The following AGRN variants were observed in gnomAD, a reference collection of about 807,000 sequenced individuals.
AGRN encodes the protein agrin.
Under a neutral mutation model 211.0 loss-of-function variants are expected in AGRN, and 106 were observed. The observed-to-expected ratio is 0.50, with a 90% CI of 0.43 to 0.59. The LOEUF is 0.59. Among genes scored for constraint, AGRN ranks in the 20% least tolerant of loss-of-function variants. The pLI is 0.00. For missense variants in AGRN, 3,040 were observed against 2,982.6 expected (o/e 1.02, Z -0.45); for synonymous variants, 1,525 against 1,332.5 (o/e 1.14, Z -3.15).
Position 1,049,949 on chromosome 1 carries a change from C to G in AGRN, c.4791C>G (p.Cys1597Trp), listed in dbSNP as rs1645228979. 1 of 1,612,284 alleles carries G rather than the reference C, an allele frequency of 6.2e-7. No homozygotes were observed. The highest frequency in any genetic ancestry group is 8.5e-7 in the Non-Finnish European group (1 of 1,179,818). ...DEKSPCQPNP[C>W]HGAAPCRVLP... ...AGAGCCCCTGCCAGCCCAACCCCTG[C>G]CATGGGGCGGCGCCCTGCCGTGTGC... Residue 1597 changes from cysteine (C) to tryptophan (W), a missense_variant, in exon 27 of 36, where the codon TGC becomes TGG. Around this residue, in one of 3 missense-constraint regions of AGRN, gnomAD observed 1,537 missense variants for 1,505.0 expected, o/e 1.02. Transcript: ENST00000379370.
intron 12 of AGRN, among the ~76,000 whole-genome samples, chr1:1,044,675 C>T (rs1645041394): frequency 6.6e-6 from 1 of 152,128 alleles, no homozygotes; most frequent in Non-Finnish European, 1.5e-5. Flanking sequence ...TGAGAGGCAG[C>T]GTGAACCATG....
intron 1 of AGRN, 88 bp downstream of exon 1, chr1:1,020,461 C>A: frequency 1.5e-6 from 2 of 1,296,130 alleles, no homozygotes; most frequent in South Asian, 2.9e-5. Context: ...CAGCCCCGGT[C>A]GCTCCGCAGC....
In AGRN at chr1:1,044,055, G is replaced by A. The variant is rs772972051; in HGVS notation, c.1999+32G>A. 6 of 1,612,422 alleles carry A rather than the reference G, an allele frequency of 3.7e-6. No individual in the cohort carries two copies. The Admixed American group carries it at 1.0e-4, about 27-fold the overall frequency. On this transcript the variant is annotated intron_variant, in intron 10 of 35. Coordinates refer to ENST00000379370, the MANE Select transcript of AGRN (RefSeq NM_198576.4). Reference sequence around the variant, plus strand: ...CGGGGGACGCTGGCGAAAACTGCTGGGCTCTGGCTTTGGACAAGAAGCCCC... The same window carrying A: ...CGGGGGACGCTGGCGAAAACTGCTGAGCTCTGGCTTTGGACAAGAAGCCCC...
chr1:1,044,478 G>C (rs1313042817), intron 12 of AGRN, 39 bp downstream of exon 12: 1 of 1,567,910 alleles, frequency 6.4e-7, no homozygotes, highest in African/African-American at 1.4e-5. Flanking sequence ...CACAGGCGGG[G>C]CGGCGTCTGG....
At position 1,050,251 on chromosome 1, in the gene AGRN, C is replaced by G; in HGVS notation, c.4898C>G (p.Ser1633Cys). ...CCTACAGCCTCGGGGCAGGACGGCTCTGGGCCCTTCCTGGCTGACTTCAAC... is the reference window on the plus strand; with the variant it reads ...CCTACAGCCTCGGGGCAGGACGGCTGTGGGCCCTTCCTGGCTGACTTCAAC... ...FCQTASGQDG[S>C]GPFLADFNGF... Residue 1633 changes from serine to cysteine, a missense_variant, in exon 28 of 36, where the codon TCT (serine) becomes TGT (cysteine). By Grantham distance (112) the Ser-to-Cys change is moderately radical (BLOSUM62 -1). Transcript: ENST00000379370. 6.2e-7 allele frequency: 1 copy of G among 1,613,144 alleles called. No individual in the cohort carries two copies. Among genetic ancestry groups the G allele is most frequent in the Non-Finnish European group, 8.5e-7 (1 of 1,179,944 alleles).
In AGRN at chr1:1,043,625, A is replaced by T; in HGVS notation, c.1691A>T (p.Gln564Leu). The stretch of plus-strand genomic sequence containing the variant: ...CCCTCTGAATGCGTGGCTTTGGCCC[A>T]GCCCGTGTGTGGCTCCGACGGGCAC... ...VCPSECVALAQPVCGSDGHTY... is the reference protein window; with the variant it reads ...VCPSECVALALPVCGSDGHTY... The change falls in exon 9 of 36, where the codon CAG becomes CTG. Residue 564 changes from glutamine to leucine, a missense_variant. Around this residue, in one of 3 missense-constraint regions of AGRN, gnomAD observed 1,498 missense variants for 1,457.8 expected, o/e 1.03. Transcript: ENST00000379370. 1 of 1,603,964 alleles carries T rather than the reference A, an allele frequency of 6.2e-7. No homozygotes were observed. The highest frequency in any genetic ancestry group is 8.5e-7 in the Non-Finnish European group (1 of 1,179,742).
Position 1,032,512 on chromosome 1 carries a change from G to A in AGRN, c.464-2765G>A, listed in dbSNP as rs1644695313. ...GTTGAGGGGCCCAGACACCCGGCTG[G>A]GGGACTCCAGGAAGGCAGCAGGTGT... On this transcript the variant is annotated intron_variant, in intron 2 of 35. Transcript: ENST00000379370. This position sits in a 1 kb window ranked among gnomAD's most constrained non-coding sequence, Gnocchi z 4.7. Among the ~76,000 whole-genome samples the A allele has an allele frequency of 6.6e-6, 1 of 152,072 alleles. No individual in the cohort carries two copies.
chr1:1,054,640 G>C, intron 35 of AGRN, 89 bp downstream of exon 35: 1 of 1,499,766 alleles, frequency 6.7e-7, no homozygotes, highest in Non-Finnish European at 9.0e-7. Context: ...CCACCCTTGA[G>C]TCAGGGTGCA....
rs751073264 is a variant in AGRN, at chr1:1,045,861, G to A, written c.2665G>A (p.Ala889Thr). 23 of 1,610,774 alleles carry A rather than the reference G, an allele frequency of 1.4e-5. No individual in the cohort carries two copies. The highest frequency in any genetic ancestry group is 4.4e-5 in the South Asian group (4 of 91,056). Residue 889 changes from alanine to threonine, a missense_variant, in exon 15 of 36, where the codon GCG becomes ACG. By Grantham distance (58) the Ala-to-Thr change is moderately conservative. Transcript: ENST00000379370. ...TCCAGACGGCCGTGCCCTGGGCCCC[G>A]CGGGCTGTGAAGCTGGTGAGTGAGG... is the stretch of plus-strand genomic sequence containing the variant. ...QCPDGRALGPAGCEADASAPA... is the reference protein window; with the variant it reads ...QCPDGRALGPTGCEADASAPA...
At chr1:1,029,266 A>C (rs909995500) in intron 2 of AGRN, among the ~76,000 whole-genome samples, 5 of 152,038 alleles carry the variant, frequency 3.3e-5, no homozygotes, top group African/African-American at 1.2e-4. Flanking sequence ...CCACACGGGA[A>C]CATATGGGTG....
At chr1:1,043,795 G>A (rs756793016) in intron 9 of AGRN, 28 bp from the exon 10 acceptor site, 34 of 1,608,284 alleles carry the variant, frequency 2.1e-5, no homozygotes, top group South Asian at 6.6e-5. Flanking sequence ...TGGGCCTGCC[G>A]ACCCCTGCCT....
At chr1:1,038,678 G>C (rs1464562182) in intron 3 of AGRN, among the ~76,000 whole-genome samples, 1 of 152,220 alleles carries the variant, frequency 6.6e-6, no homozygotes, top group Non-Finnish European at 1.5e-5. Flanking sequence ...CTGGTGCAGG[G>C]AGGTGACTGG....
chr1:1,051,615 G>A lies in AGRN; in HGVS notation c.5533G>A (p.Gly1845Arg), dbSNP rs750311204. The A allele has an allele frequency of 3.0e-5, 48 of 1,609,296 alleles. No homozygotes were observed. Among genetic ancestry groups the A allele is most frequent in the Non-Finnish European group, 2.7e-5 (32 of 1,177,712 alleles). The change falls in exon 32 of 36, where the codon GGG becomes AGG. Residue 1845 changes from glycine to arginine, a missense_variant. By Grantham distance (125) the Gly-to-Arg change is moderately radical. Coordinates refer to ENST00000379370, the MANE Select transcript of AGRN (RefSeq NM_198576.4). The stretch of plus-strand genomic sequence containing the variant: ...GGCTGCCTATGTGTGCCTGTGTCCC[G>A]GGGGATTCTCAGGACCGCACTGCGA... ...REAAYVCLCP[G>R]GFSGPHCEKG...
intron 2 of AGRN, among the ~76,000 whole-genome samples, chr1:1,026,763 G>C (rs529193241): frequency 1.3e-5 from 2 of 152,288 alleles, no homozygotes; most frequent in East Asian, 3.9e-4. Flanking sequence ...ATGGAACCCC[G>C]GGGTCCCAGG....
chr1:1,049,819 G>A (rs1645222671), intron 26 of AGRN, 24 bp downstream of exon 26: 1 of 1,607,876 alleles, frequency 6.2e-7, no homozygotes, highest in Non-Finnish European at 8.5e-7. Flanking sequence ...CGGGGCGGGT[G>A]GGAGTGGGAC....
intron 25 of AGRN, 35 bp downstream of exon 25, chr1:1,049,486 C>T (rs752523191): frequency 3.3e-5 from 53 of 1,600,052 alleles, no homozygotes; most frequent in East Asian, 1.6e-4. Context: ...GCCCCGACCC[C>T]GGCCCTTTGG....
chr1:1,050,861 G>A (rs772283195), intron 30 of AGRN, 24 bp downstream of exon 30: 1 of 1,534,206 alleles, frequency 6.5e-7, no homozygotes, highest in South Asian at 1.2e-5. Flanking sequence ...GCCGCGAGGG[G>A]ACTCCCGCTG....
chr1:1,044,345 A>T lies in AGRN; in HGVS notation c.2160A>T (p.Ser720=), dbSNP rs762952282. The T allele has an allele frequency of 1.9e-6, 3 of 1,612,738 alleles. No individual in the cohort carries two copies. In the South Asian group the frequency reaches 3.3e-5, roughly 18 times the overall value. The change falls in exon 12 of 36, where the codon TCA becomes TCT. Residue 720 remains serine, a synonymous_variant. Transcript: ENST00000379370. ...ACACCACCCTCCAGGTGTGCGGCTC[A>T]GATGGGGTCACCTACAGCACCGAGT... ...QSVPGSPVCG[S]DGVTYSTECE...
chr1:1,034,239 C>G (rs1248192863), intron 2 of AGRN: 13 of 985,314 alleles, frequency 1.3e-5, no homozygotes, highest in Middle Eastern at 1.0e-3. Flanking sequence ...GAAGACCGAG[C>G]GCTGGCGGCC....
Sources: allele counts gnomAD v4.1 joint callset (sites outside exome capture counted in the v4.1 genomes callset), GRCh38; gene constraint gnomAD v4.1.1; regional missense constraint gnomAD v4.1.1; non-coding constraint Gnocchi (gnomAD v3.1); transcripts MANE v1.5; gene names NCBI Gene and HGNC (gene_info 2026-07-23, HGNC 2026-07-21).